Variants in KAZN observed in about 807,000 individuals in gnomAD.
The protein encoded by KAZN is kazrin, periplakin interacting protein.
In KAZN, 40 loss-of-function variants were observed where a neutral mutation model predicts 87.4. That is an observed-to-expected ratio of 0.46 (90% confidence interval 0.36 to 0.60). KAZN has a LOEUF of 0.60. Among genes scored for constraint, KAZN ranks in the 20% least tolerant of loss-of-function variants. KAZN has a pLI of 0.00. For synonymous variants in KAZN, 466 were observed against 458.3 expected, an observed-to-expected ratio of 1.02 and a Z score of -0.22; for missense variants, 898 against 1,073.9, an observed-to-expected ratio of 0.84 and a Z score of 2.29.
chr1:14,140,823 G>A (rs1454179355), intron 1 of KAZN, among the ~76,000 whole-genome samples: 1 of 152,136 alleles, frequency 6.6e-6, no homozygotes, highest in Non-Finnish European at 1.5e-5. Context: ...ACCTGTCCAG[G>A]TGATGGGAGA....
chr1:15,022,605 C>A (rs573025059), intron 2 of KAZN, among the ~76,000 whole-genome samples: 1 of 152,158 alleles, frequency 6.6e-6, no homozygotes, highest in South Asian at 2.1e-4. Context: ...AGCACCCAGC[C>A]GAGCCCACAG....
intron 2 of KAZN, among the ~76,000 whole-genome samples, chr1:15,031,903 C>A (rs1671750642): frequency 6.6e-6 from 1 of 152,156 alleles, no homozygotes; most frequent in Admixed American, 6.6e-5. Context: ...CCAAGGCGCC[C>A]AGCCTTATTT....
At chr1:14,273,936 A>G (rs908405361) in intron 2 of KAZN, among the ~76,000 whole-genome samples, 2 of 152,200 alleles carry the variant, frequency 1.3e-5, no homozygotes, top group Non-Finnish European at 2.9e-5. Flanking sequence ...AAATTACTGA[A>G]AACTCATTCT....
chr1:14,926,382 G>T (rs1446709037), intron 1 of KAZN, among the ~76,000 whole-genome samples: 1 of 152,188 alleles, frequency 6.6e-6, no homozygotes, highest in Non-Finnish European at 1.5e-5. Flanking sequence ...TATAGCCCAG[G>T]AATGCCTGTT....
At chr1:14,044,015 G>A (rs1306626774) in intron 1 of KAZN, among the ~76,000 whole-genome samples, 3 of 152,176 alleles carry the variant, frequency 2.0e-5, no homozygotes, top group Admixed American at 6.5e-5. Context: ...GGACCAGATG[G>A]TGGCTAGGTC....
chr1:14,046,635 C>A (rs1278593966), intron 1 of KAZN, among the ~76,000 whole-genome samples: 2 of 152,188 alleles, frequency 1.3e-5, no homozygotes, highest in African/African-American at 4.8e-5. Context: ...ACAGTCCCTG[C>A]ACTCTCATGA....
chr1:15,089,369 GC>G (rs1355373458), intron 8 of KAZN, among the ~76,000 whole-genome samples: 3 of 151,988 alleles, frequency 2.0e-5, no homozygotes, highest in Non-Finnish European at 2.9e-5. Context: ...CCTTGACCAG[GC>G]AAGAGTCCAG....
chr1:13,959,067 CCT>C (rs1461518155), intron 1 of KAZN, among the ~76,000 whole-genome samples: 2 of 152,180 alleles, frequency 1.3e-5, no homozygotes, highest in African/African-American at 4.8e-5. Flanking sequence ...AATCTCAACC[CCT>C]GATTCCACCA....
At chr1:14,244,962 T>C (rs903309272) in intron 2 of KAZN, among the ~76,000 whole-genome samples, 2 of 151,992 alleles carry the variant, frequency 1.3e-5, no homozygotes, top group African/African-American at 4.8e-5. Flanking sequence ...GGATTTTGTC[T>C]TGTTTTTTGT....
chr1:14,781,122 A>T (rs1056834618), intron 1 of KAZN, among the ~76,000 whole-genome samples: 2 of 152,098 alleles, frequency 1.3e-5, no homozygotes, highest in African/African-American at 4.8e-5. Context: ...GGAGATCGAG[A>T]CCATCCTGGC....
intron 1 of KAZN, among the ~76,000 whole-genome samples, chr1:14,844,224 C>T (rs6688504): frequency 1.3e-5 from 2 of 152,138 alleles, no homozygotes; most frequent in African/African-American, 4.8e-5. Context: ...AAAGCTCCTG[C>T]CCTAGCCTGT....
intron 1 of KAZN, among the ~76,000 whole-genome samples, chr1:14,737,152 G>A (rs1403173984): frequency 6.6e-6 from 1 of 152,162 alleles, no homozygotes; most frequent in Non-Finnish European, 1.5e-5. Context: ...TTTGAGCAGA[G>A]ATGTGAAGGA....
In KAZN at chr1:14,175,395, G is replaced by T. The variant is rs1408180888; in HGVS notation, c.92-5040G>T. On this transcript the variant is annotated intron_variant, in intron 1 of 16. Coordinates refer to the KAZN transcript ENST00000636203. ...TGGGATTTCAGGCGTGAGCCACCGC[G>T]CCGGGCCCACGGATGGATTCTTAAG... is the stretch of plus-strand genomic sequence containing the variant. Among the ~76,000 whole-genome samples, 4 of 152,338 alleles carry T rather than the reference G, an allele frequency of 2.6e-5. No individual in the cohort carries two copies. The South Asian group carries it at 8.3e-4, about 32-fold the overall frequency.
At chr1:14,000,782 A>ATTTTTTT (rs201523239) in intron 1 of KAZN, among the ~76,000 whole-genome samples, 1 of 150,640 alleles carries the variant, frequency 6.6e-6, no homozygotes, top group Non-Finnish European at 1.5e-5. Flanking sequence ...AGATGACATG[A>ATTTTTTT]TTTTTTTTGT....
At chr1:14,955,341 C>T (rs1662962217) in intron 1 of KAZN, among the ~76,000 whole-genome samples, 1 of 152,200 alleles carries the variant, frequency 6.6e-6, no homozygotes, top group African/African-American at 2.4e-5. Context: ...GTGAGGCCAC[C>T]GAGGCCCAGG....
intron 1 of KAZN, among the ~76,000 whole-genome samples, chr1:14,900,230 T>G (rs1205575577): frequency 6.6e-6 from 1 of 152,148 alleles, no homozygotes; most frequent in Non-Finnish European, 1.5e-5. Flanking sequence ...CAGAACTACT[T>G]CTTAGGGAGC....
intron 1 of KAZN, among the ~76,000 whole-genome samples, chr1:14,031,488 T>TG (rs1333889064): frequency 1.3e-5 from 2 of 152,222 alleles, no homozygotes; most frequent in Non-Finnish European, 2.9e-5. Flanking sequence ...TAGAAATGCT[T>TG]GGGGAAGTTG....
At chr1:14,130,624 G>A (rs1218796406) in intron 1 of KAZN, among the ~76,000 whole-genome samples, 1 of 96,894 alleles carries the variant, frequency 1.0e-5, no homozygotes, top group East Asian at 4.9e-4. Context: ...CTTGTCCTGA[G>A]TAAAAGTAGT....
At chr1:13,968,716 C>T (rs1642031281) in intron 1 of KAZN, among the ~76,000 whole-genome samples, 1 of 152,216 alleles carries the variant, frequency 6.6e-6, no homozygotes, top group African/African-American at 2.4e-5. Flanking sequence ...TTGTAAGACA[C>T]TGGATTGCTC....
Sources: allele counts gnomAD v4.1 joint callset (sites outside exome capture counted in the v4.1 genomes callset), GRCh38; gene constraint gnomAD v4.1.1; transcripts MANE v1.5; gene names NCBI Gene and HGNC (gene_info 2026-07-23, HGNC 2026-07-21).